The following SEC63 variants were observed in gnomAD, a reference collection of about 807,000 sequenced individuals.
SEC63 encodes the protein translocation protein SEC63 homolog.
SEC63 carries 56 observed loss-of-function variants against 116.2 expected under a neutral mutation model. That is an observed-to-expected ratio of 0.48 (90% CI 0.39 to 0.60). SEC63 has a LOEUF of 0.60. Among genes scored for constraint, SEC63 ranks in the 20% least tolerant of loss-of-function variants. The pLI, the probability that SEC63 is intolerant of heterozygous loss-of-function variation, is 0.00. For synonymous variants in SEC63, 273 were observed against 294.6 expected (o/e 0.93, Z 0.75); for missense variants, 668 against 900.0 (o/e 0.74, Z 3.30).
chr6:107,938,887 C>G (rs111461047), intron 1 of SEC63, among the ~76,000 whole-genome samples: 1 of 152,078 alleles, frequency 6.6e-6, no homozygotes, highest in Non-Finnish European at 1.5e-5. Flanking sequence ...CTTATAATAC[C>G]GAAATATGCT....
chr6:107,933,545 A>G (rs1388221258), intron 1 of SEC63, among the ~76,000 whole-genome samples: 2 of 152,218 alleles, frequency 1.3e-5, no homozygotes, highest in Non-Finnish European at 2.9e-5. Context: ...AATAATGAGA[A>G]AACACTGTAC....
At chr6:107,924,263 CAAA>C (rs77315968) in intron 3 of SEC63, among the ~76,000 whole-genome samples, 1 of 80,878 alleles carries the variant, frequency 1.2e-5, no homozygotes, top group African/African-American at 4.8e-5. Context: ...AACTCCGTCT[CAAA>C]AAAAAAAAAA....
At chr6:107,927,309 G>T (rs777437073) in intron 2 of SEC63, among the ~76,000 whole-genome samples, 13 of 151,944 alleles carry the variant, frequency 8.6e-5, no homozygotes, top group African/African-American at 2.7e-4. Flanking sequence ...CAGGGGATCC[G>T]CCCACCTCGG....
At chr6:107,943,519 A>G (rs1770419273) in intron 1 of SEC63, among the ~76,000 whole-genome samples, 1 of 152,232 alleles carries the variant, frequency 6.6e-6, no homozygotes, top group Non-Finnish European at 1.5e-5. Flanking sequence ...ATTTACTGAA[A>G]AAAATCCACG....
Position 107,906,438 on chromosome 6 carries a change from T to C in SEC63, c.961+10A>G. 1 of 1,614,032 alleles carries C rather than the reference T, an allele frequency of 6.2e-7. No individual in the cohort carries two copies. Among genetic ancestry groups the C allele is most frequent in the Non-Finnish European group, 8.5e-7 (1 of 1,179,898 alleles). On this transcript the variant is annotated intron_variant, in intron 10 of 20. Transcript: ENST00000369002. ...CACTAAACCTCTGTAGATACCGGAA[T>C]CACAAATACCTTCTTCAAGGGTCTC... is the stretch of plus-strand genomic sequence containing the variant.
chr6:107,901,382 T>C lies in SEC63; in HGVS notation c.1345A>G (p.Ile449Val), dbSNP rs2114440671. 6.2e-7 allele frequency: 1 copy of C among 1,612,960 alleles called. No individual in the cohort carries two copies. Among genetic ancestry groups the C allele is most frequent in the Non-Finnish European group, 8.5e-7 (1 of 1,179,742 alleles). The change falls in exon 13 of 21, where the codon ATA (isoleucine) becomes GTA (valine). Residue 449 changes from isoleucine to valine, a missense_variant. By Grantham distance (29) the Ile-to-Val change is conservative. Transcript: ENST00000369002. ...ACCTCCCACTTACCCTGTGATTTTA[T>C]ATCCATGGTCACATATGGAAAACTC... ...LGSFPYVTMD[I>V]KSQVLDDEDS...
At chr6:107,886,054 T>A (rs937570977) in intron 16 of SEC63, among the ~76,000 whole-genome samples, 1 of 152,136 alleles carries the variant, frequency 6.6e-6, no homozygotes, top group African/African-American at 2.4e-5. Flanking sequence ...TTCCCCTCCC[T>A]GTGTCCATGT....
intron 4 of SEC63, among the ~76,000 whole-genome samples, chr6:107,920,425 CAAAAAAAAA>C (rs34816965): frequency 4.1e-5 from 3 of 73,392 alleles, no homozygotes; most frequent in South Asian, 7.4e-4. Context: ...GACTCCGTCT[CAAAAAAAAA>C]AAAAAAAAAA....
intron 10 of SEC63, among the ~76,000 whole-genome samples, chr6:107,905,636 T>C (rs769652520): frequency 4.6e-5 from 7 of 152,188 alleles, no homozygotes; most frequent in African/African-American, 1.7e-4. Flanking sequence ...TAAATAACTA[T>C]AAAACAGACA....
chr6:107,916,757 C>T (rs934749582), intron 4 of SEC63, among the ~76,000 whole-genome samples: 4 of 152,064 alleles, frequency 2.6e-5, no homozygotes, highest in Non-Finnish European at 2.9e-5. Context: ...ATTATCATTG[C>T]GGGGCTGGCA....
rs560753144 is a variant in SEC63 at position 107,920,812 on chromosome 6, T to C, written c.452+985A>G. On this transcript the variant is annotated intron_variant, in intron 4 of 20. Coordinates refer to ENST00000369002, the MANE Select transcript of SEC63 (RefSeq NM_007214.5). Reference sequence around the variant, plus strand: ...ACTGCATCTAATGTTACACACTCTATTCTGCTTCCCAAAAGGGTGCACAAA... The same window carrying C: ...ACTGCATCTAATGTTACACACTCTACTCTGCTTCCCAAAAGGGTGCACAAA... Among the ~76,000 whole-genome samples, 7 of 152,318 alleles carry C rather than the reference T, an allele frequency of 4.6e-5. No individual in the cohort carries two copies. In the South Asian group the frequency reaches 8.3e-4, roughly 18 times the overall value.
chr6:107,952,169 T>C (rs1390283256), intron 1 of SEC63, among the ~76,000 whole-genome samples: 1 of 152,132 alleles, frequency 6.6e-6, no homozygotes, highest in Admixed American at 6.6e-5. Flanking sequence ...AAAAGGGGTA[T>C]TAATTATAAG....
Position 107,921,910 on chromosome 6 carries a change from CTG to C in SEC63, c.340-3_340-2del. 7.7e-7 allele frequency: 1 copy of C among 1,302,358 alleles called. No individual in the cohort carries two copies. Among genetic ancestry groups the C allele is most frequent in the Non-Finnish European group, 1.0e-6 (1 of 970,640 alleles). 80.7% of individuals were successfully genotyped at this position (1,302,358 alleles called of 1,614,324 possible). ...TTTTAATTTCTGCTACTGTGGCTCCCTGGGGAAAAACAAAAAAAAAAAACAAG... is the reference window on the plus strand; with the variant it reads ...TTTTAATTTCTGCTACTGTGGCTCCCGGGAAAAACAAAAAAAAAAAACAAG... On this transcript the variant is annotated splice_acceptor_variant and splice_polypyrimidine_tract_variant and intron_variant, in intron 3 of 20. Coordinates refer to ENST00000369002, the MANE Select transcript of SEC63 (RefSeq NM_007214.5). LOFTEE classifies it high-confidence loss of function.
chr6:107,905,618 T>C (rs1261919750), intron 10 of SEC63, among the ~76,000 whole-genome samples: 1 of 152,226 alleles, frequency 6.6e-6, no homozygotes, highest in Admixed American at 6.5e-5. Context: ...CAAGTACTTA[T>C]GAAGCTTTAA....
intron 7 of SEC63, among the ~76,000 whole-genome samples, chr6:107,910,109 T>A (rs1200917282): frequency 6.6e-6 from 1 of 152,152 alleles, no homozygotes; most frequent in Non-Finnish European, 1.5e-5. Flanking sequence ...AACTTCCCAA[T>A]GATTCCTAAA....
intron 1 of SEC63, among the ~76,000 whole-genome samples, chr6:107,947,297 A>AAAAAC (rs1770497896): frequency 6.6e-6 from 1 of 152,154 alleles, no homozygotes; most frequent in South Asian, 2.1e-4. Context: ...ACCCTGTCTC[A>AAAAAC]AAAACAAAAC....
chr6:107,868,115 C>G lies in SEC63; in HGVS notation c.*3589G>C, dbSNP rs943482057. 2.8e-4 allele frequency: 11 copies of G among 39,330 alleles called. No homozygotes were observed. Among genetic ancestry groups the G allele is most frequent in the African/African-American group, 1.2e-3 (11 of 9,312 alleles). The allele number at this position is 39,330 out of a possible 1,614,324, so 2.4% of individuals were successfully genotyped here. A position where few individuals can be genotyped will look rare whatever the true frequency, so the allele number is the denominator to read the frequency against. On this transcript the variant is annotated 3_prime_UTR_variant, in exon 21 of 21. Coordinates refer to ENST00000369002, the MANE Select transcript of SEC63 (RefSeq NM_007214.5). ...TGAGACATATTTGGACTAATCACTACACAGCTGGCAAAATGTTATGGTTCA... is the reference window on the plus strand; with the variant it reads ...TGAGACATATTTGGACTAATCACTAGACAGCTGGCAAAATGTTATGGTTCA...
In SEC63 at chr6:107,939,779, A is replaced by T. The variant is rs112922665; in HGVS notation, c.125-10265T>A. On this transcript the variant is annotated intron_variant, in intron 1 of 20. Transcript: ENST00000369002. ...AAATAAAAATAATTTAAAAAAAAAAATTTTTAAAAACAATCTTTCCTTTAA... is the reference window on the plus strand; with the variant it reads ...AAATAAAAATAATTTAAAAAAAAAATTTTTTAAAAACAATCTTTCCTTTAA... Among the ~76,000 whole-genome samples, 550 of 152,136 alleles carry T rather than the reference A, an allele frequency of 3.6e-3. 5 individuals are homozygous for T. Among genetic ancestry groups the T allele is most frequent in the African/African-American group, 0.01 (420 of 41,496 alleles).
chr6:107,942,492 C>T lies in SEC63; in HGVS notation c.125-12978G>A, dbSNP rs773130696. Among the ~76,000 whole-genome samples the T allele has an allele frequency of 3.9e-5, 6 of 152,126 alleles. 1 individual carries two copies. The highest frequency in any genetic ancestry group is 1.2e-4 in the African/African-American group (5 of 41,432). ...ACAAATATTTGGTGAATATCCACTA[C>T]GTACCCGGACTTTTCTGGACACTGA... On this transcript the variant is annotated intron_variant, in intron 1 of 20. Transcript: ENST00000369002.
Sources: allele counts gnomAD v4.1 joint callset (sites outside exome capture counted in the v4.1 genomes callset), GRCh38; gene constraint gnomAD v4.1.1; transcripts MANE v1.5; gene names NCBI Gene and HGNC (gene_info 2026-07-23, HGNC 2026-07-21).